CHAT: variants seen among roughly 807,000 people sequenced by gnomAD.
CHAT encodes acetyl CoA:choline O-acetyltransferase.
A neutral mutation model predicts 76.9 loss-of-function variants in CHAT; 61 were observed. That is an observed-to-expected ratio of 0.79 (90% CI 0.65 to 0.98). The LOEUF is 0.98. CHAT is among the 50% of genes least tolerant of loss of function. The pLI, the probability that CHAT is intolerant of heterozygous loss-of-function variation, is 0.00. For synonymous variants in CHAT, 407 were observed against 397.4 expected, an observed-to-expected ratio of 1.02 and a Z score of -0.29; for missense variants, 946 against 986.9, an observed-to-expected ratio of 0.96 and a Z score of 0.56.
rs1362053478 is a variant in CHAT, at chr10:49,662,693, C to G, written c.1888C>G (p.Leu630Val). Residue 630 changes from leucine (L) to valine (V), a missense_variant, in exon 14 of 15, where the codon CTG becomes GTG. By Grantham distance (32) the Leu-to-Val change is conservative. This residue lies in a region of CHAT where 349 missense variants were observed against 393.9 expected (regional missense o/e 0.89). Transcript: ENST00000337653. ...CAACCACCTGCTGGCACTGCGGGAGCTGGCCCGGGCCATGTGCAAGGAGCT... is the reference window on the plus strand; with the variant it reads ...CAACCACCTGCTGGCACTGCGGGAGGTGGCCCGGGCCATGTGCAAGGAGCT... ...IDNHLLALRE[L>V]ARAMCKELPE... 6.2e-7 allele frequency: 1 copy of G among 1,614,220 alleles called. No homozygotes were observed.
intron 7 of CHAT, among the ~76,000 whole-genome samples, chr10:49,634,228 G>A (rs575602081): frequency 1.3e-5 from 2 of 152,316 alleles, no homozygotes; most frequent in South Asian, 2.1e-4. Flanking sequence ...AACCTACCAC[G>A]GCTGCTGTCT....
intron 8 of CHAT, chr10:49,647,129 G>T (rs973673853): frequency 3.4e-5 from 7 of 206,540 alleles, no homozygotes; most frequent in African/African-American, 1.1e-4. Flanking sequence ...CACCCCCGTG[G>T]CCTGGCGATT....
chr10:49,664,665 G>A (rs1840297398), intron 14 of CHAT, 112 bp from the exon 15 acceptor site: 4 of 1,283,976 alleles, frequency 3.1e-6, no homozygotes, highest in Non-Finnish European at 4.5e-6. Context: ...GCAATCACTT[G>A]ATTTGGTTAA....
chr10:49,647,934 A>T (rs909565006), intron 8 of CHAT: 5 of 173,686 alleles, frequency 2.9e-5, no homozygotes, highest in African/African-American at 1.2e-4. Flanking sequence ...TATCAGGCGA[A>T]CCAGAGAAGC....
chr10:49,615,883 A>G (rs1838472239), intron 1 of CHAT: 5 of 668,702 alleles, frequency 7.5e-6, no homozygotes, highest in Non-Finnish European at 1.3e-5. Context: ...TGCCTAGGTC[A>G]CAACGCCTCC....
In CHAT at chr10:49,666,820, T is replaced by C. The variant is rs1840349400; in HGVS notation, c.*1774T>C. ...CCACCTTCCTACTCTGCTTAGGAAGTTGCAGCACAAGGGTCCTGGGTTTTC... is the reference window on the plus strand; with the variant it reads ...CCACCTTCCTACTCTGCTTAGGAAGCTGCAGCACAAGGGTCCTGGGTTTTC... On this transcript the variant is annotated 3_prime_UTR_variant, in exon 15 of 15. Transcript: ENST00000337653. 1.3e-5 allele frequency among the ~76,000 whole-genome samples: 2 copies of C among 152,182 alleles called. No homozygotes were observed. Among genetic ancestry groups the C allele is most frequent in the South Asian group, 4.1e-4 (2 of 4,830 alleles).
intron 4 of CHAT, 90 bp downstream of exon 4, chr10:49,620,703 G>A: frequency 1.9e-6 from 2 of 1,056,610 alleles, no homozygotes; most frequent in Non-Finnish European, 2.9e-6. Context: ...GGCCAAAGCT[G>A]GAGCCTCGGC....
upstream of CHAT, chr10:49,612,347 A>T: frequency 1.9e-6 from 3 of 1,567,542 alleles, no homozygotes; most frequent in Non-Finnish European, 2.6e-6. Context: ...TAGCATCCCC[A>T]CTCCTCCTCC....
intron 3 of CHAT, 46 bp downstream of exon 3, chr10:49,619,962 G>C (rs1838644335): frequency 1.3e-6 from 2 of 1,570,736 alleles, no homozygotes; most frequent in South Asian, 2.3e-5. Context: ...GCGGGAGGCA[G>C]ACCTGGAGAC....
chr10:49,643,940 A>G (rs1839573041), intron 7 of CHAT, among the ~76,000 whole-genome samples: 1 of 152,244 alleles, frequency 6.6e-6, no homozygotes, highest in African/African-American at 2.4e-5. Context: ...CTGACTGTCC[A>G]AAGCACGGTG....
rs1839728066 is a variant in CHAT, at chr10:49,647,803, CCTTCCTTT to C, written c.1282-703_1282-696del. 4 of 85,098 alleles carry C rather than the reference CCTTCCTTT, an allele frequency of 4.7e-5. 1 individual carries two copies. The highest frequency in any genetic ancestry group is 2.6e-4 in the Admixed American group (2 of 7,790). The allele number at this position is 85,098 out of a possible 1,614,324, so 5.3% of individuals were successfully genotyped here. On this transcript the variant is annotated intron_variant, in intron 8 of 14. Transcript: ENST00000337653. The stretch of plus-strand genomic sequence containing the variant: ...TCCTTCCTTCCTTCCTTCCTTCCTT[CCTTCCTTT>C]TAGTGACAGGCACAGATAAGTACTA...
intron 13 of CHAT, among the ~76,000 whole-genome samples, chr10:49,657,353 C>T (rs2132838414): frequency 6.6e-6 from 1 of 152,256 alleles, no homozygotes; most frequent in African/African-American, 2.4e-5. Context: ...GACCTAATCA[C>T]CTCCTGAAGG....
intron 7 of CHAT, among the ~76,000 whole-genome samples, chr10:49,644,690 T>C (rs888498663): frequency 2.6e-5 from 4 of 152,174 alleles, no homozygotes; most frequent in Non-Finnish European, 5.9e-5. Context: ...GGGAGACATC[T>C]CCTTCCCCAG....
intron 2 of CHAT, among the ~76,000 whole-genome samples, chr10:49,619,098 T>A (rs1838604605): frequency 6.6e-6 from 1 of 152,178 alleles, no homozygotes; most frequent in African/African-American, 2.4e-5. Context: ...TGAGGAACCC[T>A]CTTTTAGAAT....
intron 10 of CHAT, chr10:49,651,611 C>T (rs1839880928): frequency 4.4e-6 from 2 of 455,398 alleles, no homozygotes; most frequent in Non-Finnish European, 8.1e-6. Context: ...CACAGCCAGG[C>T]CCACCTCCCC....
At chr10:49,643,287 A>G (rs568107742) in intron 7 of CHAT, among the ~76,000 whole-genome samples, 1 of 152,172 alleles carries the variant, frequency 6.6e-6, no homozygotes, top group African/African-American at 2.4e-5. Flanking sequence ...CCTCACCCAT[A>G]AGCTGGAGGT....
intron 5 of CHAT, among the ~76,000 whole-genome samples, chr10:49,624,895 A>T (rs1456226313): frequency 6.6e-6 from 1 of 151,242 alleles, no homozygotes; most frequent in Admixed American, 6.6e-5. Context: ...TGGATAGATG[A>T]GTGGGTGGTG....
At chr10:49,662,477 G>T (rs1348144282) in intron 13 of CHAT, among the ~76,000 whole-genome samples, 168 bp from the exon 14 acceptor site, 1 of 152,226 alleles carries the variant, frequency 6.6e-6, no homozygotes, top group African/African-American at 2.4e-5. Flanking sequence ...GCATGGTAGA[G>T]CGGTCAGTCC....
At chr10:49,636,945 T>A (rs1839312581) in intron 7 of CHAT, among the ~76,000 whole-genome samples, 1 of 151,920 alleles carries the variant, frequency 6.6e-6, no homozygotes. Context: ...ATAGAATTGT[T>A]CATAGTATCC....
Sources: gnomAD v4.1 joint callset for allele counts (sites outside exome capture counted in the v4.1 genomes callset) on GRCh38, gnomAD v4.1.1 for gene constraint, gnomAD v4.1.1 regional missense constraint, MANE v1.5 for transcripts, NCBI Gene and HGNC (gene_info 2026-07-23, HGNC 2026-07-21) for gene names.